ACVR1C: variants seen among roughly 807,000 people sequenced by gnomAD.
ACVR1C encodes the protein activin A receptor type 1C.
Under a neutral mutation model 57.9 loss-of-function variants are expected in ACVR1C, and 23 were observed. That is an observed-to-expected ratio of 0.40 (90% CI 0.29 to 0.56). The LOEUF (loss-of-function observed/expected upper bound fraction) is 0.56. Among genes scored for constraint, ACVR1C ranks in the 20% least tolerant of loss-of-function variants. The pLI, the probability that ACVR1C is intolerant of heterozygous loss-of-function variation, is 0.50. For missense variants in ACVR1C, 480 were observed against 607.9 expected, an observed-to-expected ratio of 0.79 and a Z score of 2.21; for synonymous variants, 214 against 215.3, an observed-to-expected ratio of 0.99 and a Z score of 0.05.
Position 157,531,092 on chromosome 2 carries a change from C to A in ACVR1C, c.*2826G>T, listed in dbSNP as rs1338252280. On this transcript the variant is annotated 3_prime_UTR_variant, in exon 9 of 9. Coordinates refer to ENST00000243349, the MANE Select transcript of ACVR1C (RefSeq NM_145259.3). Reference sequence around the variant, plus strand: ...GAATTTTTTTTTTTTTTGCTTATAACAAAATGTAAAAGAAATAAATATTAC... The same window carrying A: ...GAATTTTTTTTTTTTTTGCTTATAAAAAAATGTAAAAGAAATAAATATTAC... 44 of 147,890 alleles carry A rather than the reference C, an allele frequency of 3.0e-4. No individual in the cohort carries two copies. The highest frequency in any genetic ancestry group is 1.0e-3 in the African/African-American group (41 of 40,032). 9.2% of individuals were successfully genotyped at this position (147,890 alleles called of 1,614,324 possible).
intron 1 of ACVR1C, chr2:157,597,309 C>T (rs1249381234): frequency 1.0e-6 from 1 of 980,946 alleles, no homozygotes; most frequent in Non-Finnish European, 1.2e-6. Flanking sequence ...GCGCTCCCCA[C>T]CCCAAAAAGG....
chr2:157,595,886 GA>G (rs1411395677), intron 1 of ACVR1C, among the ~76,000 whole-genome samples: 2 of 152,136 alleles, frequency 1.3e-5, no homozygotes, highest in African/African-American at 4.8e-5. Flanking sequence ...CCCCCTCAGA[GA>G]AATCTTCAGT....
At chr2:157,547,071 G>A (rs539806819) in intron 4 of ACVR1C, among the ~76,000 whole-genome samples, 88 of 138,772 alleles carry the variant, frequency 6.3e-4, no homozygotes, top group Non-Finnish European at 1.2e-3. Flanking sequence ...TGCGGTGTTT[G>A]GTTTTTTGTT....
intron 2 of ACVR1C, among the ~76,000 whole-genome samples, chr2:157,578,200 C>A (rs887577069): frequency 2.0e-5 from 3 of 152,208 alleles, no homozygotes; most frequent in Admixed American, 1.3e-4. Context: ...CCACCATGCC[C>A]AGACCTCCTG....
Position 157,550,192 on chromosome 2 carries a change from T to C in ACVR1C, c.745A>G (p.Ile249Val), listed in dbSNP as rs773991024. ...TTGTCAGCAGCAATGAAACCAAGGA[T>C]GTTTTCATGTCGCAGCATGACCGTC... ...YQTVMLRHEN[I>V]LGFIAADNKD... The change falls in exon 4 of 9, where the codon ATC becomes GTC. Residue 249 changes from isoleucine (I) to valine (V), a missense_variant. Transcript: ENST00000243349. The C allele has an allele frequency of 2.7e-5, 44 of 1,613,990 alleles. No individual in the cohort carries two copies. Among genetic ancestry groups the C allele is most frequent in the Non-Finnish European group, 3.6e-5 (42 of 1,180,024 alleles).
intron 4 of ACVR1C, among the ~76,000 whole-genome samples, 184 bp from the exon 5 acceptor site, chr2:157,544,796 T>C (rs1687710277): frequency 1.3e-5 from 2 of 152,180 alleles, no homozygotes; most frequent in Admixed American, 6.5e-5. Flanking sequence ...TATTGATATG[T>C]TGGAACTTGT....
intron 8 of ACVR1C, 72 bp from the exon 9 acceptor site, chr2:157,534,115 C>T: frequency 7.8e-7 from 1 of 1,285,204 alleles, no homozygotes; most frequent in Non-Finnish European, 1.0e-6. Flanking sequence ...GAAGTAAAGC[C>T]ATAAATCCAG....
intron 1 of ACVR1C, among the ~76,000 whole-genome samples, chr2:157,596,279 C>A (rs1313699258): frequency 6.6e-6 from 1 of 151,852 alleles, no homozygotes; most frequent in Non-Finnish European, 1.5e-5. Context: ...ATAGCTTTTC[C>A]CACTTTCATA....
intron 1 of ACVR1C, among the ~76,000 whole-genome samples, chr2:157,613,246 A>G (rs1395656504): frequency 6.6e-6 from 1 of 152,084 alleles, no homozygotes; most frequent in Admixed American, 6.5e-5. Context: ...TGTTCTATTC[A>G]AGGTGTGATT....
chr2:157,584,180 A>T (rs1219487322), intron 2 of ACVR1C, among the ~76,000 whole-genome samples: 1 of 151,778 alleles, frequency 6.6e-6, no homozygotes. Context: ...AGATAAAAAA[A>T]AAAAACCCGC....
chr2:157,601,605 A>G (rs1301971041), intron 1 of ACVR1C, among the ~76,000 whole-genome samples: 1 of 152,216 alleles, frequency 6.6e-6, no homozygotes, highest in Non-Finnish European at 1.5e-5. Context: ...AAACAAAACA[A>G]AACAAAAAAC....
intron 2 of ACVR1C, among the ~76,000 whole-genome samples, chr2:157,566,524 C>G (rs957663380): frequency 6.6e-6 from 1 of 152,184 alleles, no homozygotes; most frequent in Non-Finnish European, 1.5e-5. Flanking sequence ...CGAGCCGAAG[C>G]AGGGCGAGGC....
chr2:157,621,953 G>A (rs950953068), intron 1 of ACVR1C, among the ~76,000 whole-genome samples: 6 of 152,114 alleles, frequency 3.9e-5, no homozygotes, highest in African/African-American at 1.4e-4. Flanking sequence ...CAGGTAATAA[G>A]AAAAAGTTAC....
intron 2 of ACVR1C, among the ~76,000 whole-genome samples, chr2:157,574,559 A>G (rs1688598752): frequency 7.7e-6 from 1 of 130,660 alleles, no homozygotes; most frequent in Non-Finnish European, 1.7e-5. Flanking sequence ...GTGTAGATCA[A>G]ATAAAACCTG....
chr2:157,540,684 GTATT>G (rs1461037208), intron 7 of ACVR1C, among the ~76,000 whole-genome samples: 1 of 152,094 alleles, frequency 6.6e-6, no homozygotes. Context: ...CAACCCTACA[GTATT>G]TATCATATCA....
At chr2:157,592,719 C>T (rs559325517) in intron 1 of ACVR1C, among the ~76,000 whole-genome samples, 2 of 152,174 alleles carry the variant, frequency 1.3e-5, no homozygotes, top group South Asian at 2.1e-4. Flanking sequence ...CAACATAGAA[C>T]CTTTGTGCTG....
Position 157,566,385 on chromosome 2 carries a change from G to A in ACVR1C, c.305-10053C>T, listed in dbSNP as rs1688379281. Among the ~76,000 whole-genome samples, 5 of 152,288 alleles carry A rather than the reference G, an allele frequency of 3.3e-5. No homozygotes were observed. In the South Asian group the frequency reaches 6.2e-4, roughly 19 times the overall value. ...AAGATGGCCGAATAGGAACAGCTCC[G>A]GTCTATAGCTCCCAGCGTGAGCGAC... On this transcript the variant is annotated intron_variant, in intron 2 of 8. Coordinates refer to ENST00000243349, the MANE Select transcript of ACVR1C (RefSeq NM_145259.3).
intron 1 of ACVR1C, chr2:157,597,453 C>A (rs1682157285): frequency 3.7e-5 from 36 of 985,336 alleles, no homozygotes; most frequent in Non-Finnish European, 4.2e-5. Context: ...GAAGGGACAC[C>A]CTGCGGTCGC....
At chr2:157,590,542 A>C (rs1192216328) in intron 1 of ACVR1C, among the ~76,000 whole-genome samples, 1 of 152,004 alleles carries the variant, frequency 6.6e-6, no homozygotes, top group East Asian at 1.9e-4. Flanking sequence ...AGGGAAATAC[A>C]ATCCTAAAAT....
Sources: gnomAD v4.1 joint callset for allele counts (sites outside exome capture counted in the v4.1 genomes callset) on GRCh38, gnomAD v4.1.1 for gene constraint, MANE v1.5 for transcripts, NCBI Gene and HGNC (gene_info 2026-07-23, HGNC 2026-07-21) for gene names.